Variants in SGCZ observed in about 807,000 individuals in gnomAD.
SGCZ encodes zeta-sarcoglycan.
Under a neutral mutation model 41.3 loss-of-function variants are expected in SGCZ, and 40 were observed. The ratio of observed to expected loss-of-function variants is 0.97; its 90% CI spans 0.75 to 1.26. The LOEUF (loss-of-function observed/expected upper bound fraction) is 1.26. Ranked by LOEUF, SGCZ falls within the 50% of genes most tolerant of loss-of-function variation. The pLI, the probability that SGCZ is intolerant of heterozygous loss-of-function variation, is 0.00. For missense variants in SGCZ, 552 were observed against 369.8 expected, an observed-to-expected ratio of 1.49 and a Z score of -4.04; for synonymous variants, 206 against 137.5, an observed-to-expected ratio of 1.50 and a Z score of -3.49.
At chr8:14,408,965 G>GTGTGTGCA (rs1487302205) in intron 2 of SGCZ, among the ~76,000 whole-genome samples, 1 of 120,956 alleles carries the variant, frequency 8.3e-6, no homozygotes, top group African/African-American at 3.8e-5. Flanking sequence ...GTGTGTGTGT[G>GTGTGTGCA]TGTGTGCATG....
chr8:14,570,851 C>A (rs1413426926), intron 1 of SGCZ, among the ~76,000 whole-genome samples: 1 of 152,016 alleles, frequency 6.6e-6, no homozygotes, highest in East Asian at 1.9e-4. Context: ...CAATTGAAAA[C>A]AACTTTCAAT....
intron 2 of SGCZ, among the ~76,000 whole-genome samples, chr8:14,551,225 C>G (rs983180861): frequency 1.4e-5 from 2 of 145,880 alleles, no homozygotes; most frequent in Non-Finnish European, 3.0e-5. Context: ...TAACAATCTT[C>G]AATTATCAAA....
intron 1 of SGCZ, among the ~76,000 whole-genome samples, chr8:14,908,112 C>CA (rs1210593444): frequency 6.6e-6 from 1 of 151,684 alleles, no homozygotes; most frequent in African/African-American, 2.4e-5. Flanking sequence ...AAAGTCAGGG[C>CA]AAAAAAGGTA....
intron 2 of SGCZ, among the ~76,000 whole-genome samples, chr8:14,393,312 G>C (rs1212816536): frequency 6.6e-6 from 1 of 151,976 alleles, no homozygotes; most frequent in Non-Finnish European, 1.5e-5. Flanking sequence ...TGCAGACATA[G>C]ACAAGCAGGC....
chr8:14,628,845 C>G (rs1346488075), intron 1 of SGCZ, among the ~76,000 whole-genome samples: 1 of 152,120 alleles, frequency 6.6e-6, no homozygotes, highest in Admixed American at 6.6e-5. Flanking sequence ...CTTGGCTACA[C>G]AGCCTGGACC....
intron 1 of SGCZ, among the ~76,000 whole-genome samples, chr8:15,149,560 A>G (rs1472474422): frequency 2.0e-5 from 3 of 152,284 alleles, no homozygotes; most frequent in Non-Finnish European, 4.4e-5. Context: ...TCCTGCTTTA[A>G]GGATGGAATT....
chr8:15,175,030 G>A (rs985943357), intron 1 of SGCZ, among the ~76,000 whole-genome samples: 1 of 145,670 alleles, frequency 6.9e-6, no homozygotes, highest in Non-Finnish European at 1.5e-5. Flanking sequence ...CAACTTGACA[G>A]GTGCAGCAAA....
intron 1 of SGCZ, among the ~76,000 whole-genome samples, chr8:14,792,380 A>G (rs550066941): frequency 6.6e-6 from 1 of 152,188 alleles, no homozygotes; most frequent in South Asian, 2.1e-4. Context: ...CCCCTTTTGT[A>G]GAAAAGAACT....
chr8:15,134,685 T>G (rs1808044629), intron 1 of SGCZ, among the ~76,000 whole-genome samples: 1 of 152,142 alleles, frequency 6.6e-6, no homozygotes, highest in African/African-American at 2.4e-5. Context: ...AAAGCCCAAT[T>G]CAGAGTTTCT....
intron 4 of SGCZ, among the ~76,000 whole-genome samples, chr8:14,222,919 C>A (rs547482594): frequency 6.7e-6 from 1 of 148,238 alleles, no homozygotes; most frequent in South Asian, 2.2e-4. Flanking sequence ...TCAAGAGACT[C>A]TCCTGTCTCA....
intron 1 of SGCZ, among the ~76,000 whole-genome samples, chr8:14,659,287 G>A (rs145417729): frequency 6.6e-5 from 10 of 152,166 alleles, no homozygotes; most frequent in African/African-American, 2.4e-4. Flanking sequence ...GCTGAATATG[G>A]TGATTAACCC....
chr8:14,296,887 T>A (rs565814206), intron 3 of SGCZ, among the ~76,000 whole-genome samples: 1 of 152,226 alleles, frequency 6.6e-6, no homozygotes, highest in East Asian at 1.9e-4. Flanking sequence ...ATACAAAAAA[T>A]TACAAGGGAA....
At chr8:14,541,143 T>C (rs1313423614) in intron 2 of SGCZ, among the ~76,000 whole-genome samples, 1 of 151,936 alleles carries the variant, frequency 6.6e-6, no homozygotes. Context: ...TAATTTTCTC[T>C]AATTTTATTT....
intron 1 of SGCZ, among the ~76,000 whole-genome samples, chr8:15,236,424 C>T (rs1443307182): frequency 6.6e-6 from 1 of 150,756 alleles, no homozygotes; most frequent in African/African-American, 2.5e-5. Flanking sequence ...CTCTATTCGT[C>T]GTTTCTCCAG....
chr8:15,228,591 G>T (rs1462495005), intron 1 of SGCZ, among the ~76,000 whole-genome samples: 1 of 152,134 alleles, frequency 6.6e-6, no homozygotes, highest in Non-Finnish European at 1.5e-5. Context: ...TAATGTCTCT[G>T]CCCTAGACCA....
At chr8:14,441,357 A>G (rs1377170033) in intron 2 of SGCZ, among the ~76,000 whole-genome samples, 2 of 152,134 alleles carry the variant, frequency 1.3e-5, no homozygotes, top group African/African-American at 4.8e-5. Flanking sequence ...CAGGTGGATC[A>G]CGAGGTCAAG....
chr8:14,973,569 G>A (rs1178484238), intron 1 of SGCZ, among the ~76,000 whole-genome samples: 1 of 152,052 alleles, frequency 6.6e-6, no homozygotes, highest in Non-Finnish European at 1.5e-5. Context: ...TGACCTAAAG[G>A]AATCTAGATT....
At chr8:14,119,202 T>C (rs1258164721) in intron 5 of SGCZ, among the ~76,000 whole-genome samples, 1 of 152,036 alleles carries the variant, frequency 6.6e-6, no homozygotes, top group African/African-American at 2.4e-5. Context: ...GAGCATGGTA[T>C]GTTTTTCCAT....
intron 5 of SGCZ, among the ~76,000 whole-genome samples, chr8:14,137,294 G>A (rs184869008): frequency 4.5e-4 from 68 of 152,336 alleles, no homozygotes; most frequent in African/African-American, 1.3e-3. Flanking sequence ...GCAGCTCCTC[G>A]CAAGCAACGG....
Sources: gnomAD v4.1 joint callset for allele counts (sites outside exome capture counted in the v4.1 genomes callset) on GRCh38, gnomAD v4.1.1 for gene constraint, MANE v1.5 for transcripts, NCBI Gene and HGNC (gene_info 2026-07-23, HGNC 2026-07-21) for gene names.